SLC9A9: variants seen among roughly 807,000 people sequenced by gnomAD.
SLC9A9 encodes solute carrier family 9 member A9, also known as sodium/hydrogen exchanger 9.
SLC9A9 carries 62 observed loss-of-function variants against 77.8 expected under a neutral mutation model. That is an observed-to-expected ratio of 0.80 (90% CI 0.65 to 0.98). SLC9A9 has a LOEUF of 0.98. Among genes scored for constraint, SLC9A9 ranks in the 50% least tolerant of loss-of-function variants. The probability of loss-of-function intolerance (pLI) is 0.00; values close to 1 mark genes in which losing one functional copy is unlikely to be tolerated. For synonymous variants in SLC9A9, 320 were observed against 283.5 expected (o/e 1.13, Z -1.29); for missense variants, 775 against 774.9 (o/e 1.00, Z 0.00).
chr3:143,470,467 C>T (rs564862903), intron 11 of SLC9A9, among the ~76,000 whole-genome samples: 13 of 130,614 alleles, frequency 1.0e-4, no homozygotes, highest in Admixed American at 3.2e-4. Context: ...GCAACAAGAG[C>T]GAAATTCTGG....
chr3:143,736,602 TA>T (rs139535747), intron 4 of SLC9A9, among the ~76,000 whole-genome samples: 2,393 of 152,318 alleles, frequency 0.016, 67 homozygotes, highest in African/African-American at 0.055. Flanking sequence ...ATTTCTGGGG[TA>T]TTTTTTTAAA....
intron 13 of SLC9A9, among the ~76,000 whole-genome samples, chr3:143,377,948 T>C (rs1056752367): frequency 2.6e-5 from 4 of 152,334 alleles, no homozygotes; most frequent in African/African-American, 9.6e-5. Context: ...GTGACTCCAA[T>C]GCCTCCATAC....
intron 5 of SLC9A9, among the ~76,000 whole-genome samples, chr3:143,665,525 A>C (rs987100841): frequency 3.9e-5 from 6 of 152,226 alleles, no homozygotes; most frequent in Admixed American, 3.9e-4. Flanking sequence ...ACCCTTCAAA[A>C]AATCAATGAA....
intron 14 of SLC9A9, among the ~76,000 whole-genome samples, chr3:143,303,564 G>T (rs115294246): frequency 1.2e-3 from 187 of 152,254 alleles, no homozygotes; most frequent in African/African-American, 4.1e-3. Context: ...CCAGGTGTCT[G>T]GTTTTAAGCA....
rs1489485568 is a variant in SLC9A9, at chr3:143,265,942, G to A, written c.*760C>T. 4.3e-5 allele frequency: 28 copies of A among 651,428 alleles called. No individual in the cohort carries two copies. Among genetic ancestry groups the A allele is most frequent in the Non-Finnish European group, 5.8e-5 (21 of 359,554 alleles). 40.4% of individuals were successfully genotyped at this position (651,428 alleles called of 1,614,324 possible). A position where few individuals can be genotyped will look rare whatever the true frequency, so the allele number is the denominator to read the frequency against. ...AAGTGACTCACATGCAGGCAAGGAC[G>A]GGAAGGCTTGTTCTTCAGGCACAAC... On this transcript the variant is annotated 3_prime_UTR_variant, in exon 16 of 16. Transcript: ENST00000316549.
At chr3:143,803,443 C>T (rs2008622120) in intron 2 of SLC9A9, among the ~76,000 whole-genome samples, 1 of 152,178 alleles carries the variant, frequency 6.6e-6, no homozygotes, top group Admixed American at 6.5e-5. Flanking sequence ...TCATTCTCTA[C>T]TACTTATAAA....
At chr3:143,419,301 G>C (rs909495657) in intron 12 of SLC9A9, among the ~76,000 whole-genome samples, 1 of 152,112 alleles carries the variant, frequency 6.6e-6, no homozygotes, top group Non-Finnish European at 1.5e-5. Context: ...CATTTTGCAG[G>C]GGGGGCACAG....
chr3:143,555,589 C>G (rs1362717703), intron 8 of SLC9A9, among the ~76,000 whole-genome samples: 1 of 152,154 alleles, frequency 6.6e-6, no homozygotes, highest in Non-Finnish European at 1.5e-5. Flanking sequence ...CATAGCATCC[C>G]TGTGCTTTTC....
intron 12 of SLC9A9, among the ~76,000 whole-genome samples, chr3:143,383,115 T>A (rs929129888): frequency 1.3e-5 from 2 of 152,254 alleles, no homozygotes; most frequent in African/African-American, 4.8e-5. Flanking sequence ...TCCATTTTGA[T>A]GAGGCATCAA....
chr3:143,836,327 G>C (rs989521041), intron 1 of SLC9A9, among the ~76,000 whole-genome samples: 3 of 152,158 alleles, frequency 2.0e-5, no homozygotes, highest in African/African-American at 7.2e-5. Context: ...TAGGGCAGAG[G>C]CTCTGTGCTA....
intron 6 of SLC9A9, among the ~76,000 whole-genome samples, chr3:143,640,116 G>A (rs558616640): frequency 3.3e-5 from 5 of 151,190 alleles, no homozygotes. Flanking sequence ...CCACCTCCCG[G>A]GTTCAAGCCA....
chr3:143,844,642 A>G (rs1317742943), intron 1 of SLC9A9, among the ~76,000 whole-genome samples: 26 of 152,226 alleles, frequency 1.7e-4, no homozygotes, highest in Admixed American at 1.7e-3. Context: ...CACGGAGATG[A>G]CTGTTACAGT....
intron 12 of SLC9A9, among the ~76,000 whole-genome samples, chr3:143,396,860 G>A (rs186012939): frequency 1.3e-5 from 2 of 152,276 alleles, no homozygotes; most frequent in Admixed American, 6.5e-5. Flanking sequence ...GAGTGGGGAT[G>A]TTCTGGCTGC....
At chr3:143,826,808 A>C (rs2009311801) in intron 2 of SLC9A9, among the ~76,000 whole-genome samples, 1 of 151,994 alleles carries the variant, frequency 6.6e-6, no homozygotes, top group Non-Finnish European at 1.5e-5. Flanking sequence ...ACATACCCCT[A>C]TCATCAGAGT....
In SLC9A9 at chr3:143,332,458, G is replaced by A. The variant is rs374927060; in HGVS notation, c.1604+31026C>T. Among the ~76,000 whole-genome samples, 172 of 152,238 alleles carry A rather than the reference G, an allele frequency of 1.1e-3. 3 individuals are homozygous for A. In the South Asian group the frequency reaches 0.019, roughly 17 times the overall value. ...GATTATTGGGAAGACCATTTGAACC[G>A]GTGCACTGGAGAATGAATTAGAGTG... On this transcript the variant is annotated intron_variant, in intron 14 of 15. Transcript: ENST00000316549.
In SLC9A9 at chr3:143,762,693, G is replaced by A. The variant is rs544951646; in HGVS notation, c.533+32308C>T. Among the ~76,000 whole-genome samples the A allele has an allele frequency of 3.3e-5, 5 of 152,244 alleles. 1 individual carries two copies. The South Asian group carries it at 1.0e-3, about 32-fold the overall frequency. ...CACCTGTGTATGAACACAGCACAAG[G>A]AGATTGTCTTCTCCACCCTCCTCAA... On this transcript the variant is annotated intron_variant, in intron 4 of 15. Coordinates refer to ENST00000316549, the MANE Select transcript of SLC9A9 (RefSeq NM_173653.4).
intron 12 of SLC9A9, among the ~76,000 whole-genome samples, chr3:143,439,926 GC>G (rs1009478570): frequency 6.6e-6 from 1 of 151,804 alleles, no homozygotes; most frequent in African/African-American, 2.4e-5. Flanking sequence ...TTAAAATGAA[GC>G]CCTCAGCAGT....
chr3:143,687,736 T>C (rs965424701), intron 5 of SLC9A9, among the ~76,000 whole-genome samples: 4 of 125,334 alleles, frequency 3.2e-5, no homozygotes, highest in Non-Finnish European at 7.0e-5. Flanking sequence ...GTCAGTTTTG[T>C]CTGTTAAAAA....
intron 13 of SLC9A9, among the ~76,000 whole-genome samples, chr3:143,371,817 C>T (rs60671100): frequency 0.28 from 43,195 of 151,950 alleles, 6,466 homozygotes; most frequent in African/African-American, 0.38. Flanking sequence ...CCTAGAAAAC[C>T]CTAAAGATCC....
Sources: gnomAD v4.1 joint callset for allele counts (sites outside exome capture counted in the v4.1 genomes callset) on GRCh38, gnomAD v4.1.1 for gene constraint, MANE v1.5 for transcripts, NCBI Gene and HGNC (gene_info 2026-07-23, HGNC 2026-07-21) for gene names.